The following SPMIP6 variants were observed in gnomAD, a reference collection of about 807,000 sequenced individuals.
The protein encoded by SPMIP6 is ciliated bronchial epithelial protein 1.
chr9:34,389,471 T>C, the SPMIP6 span, among the ~76,000 whole-genome samples: 1 of 152,190 alleles, frequency 6.6e-6, no homozygotes, highest in African/African-American at 2.4e-5. Flanking sequence ...AAAAGTTTAT[T>C]GAAGTCTTCA....
chr9:34,392,950 A>T, the SPMIP6 span, among the ~76,000 whole-genome samples: 1 of 152,236 alleles, frequency 6.6e-6, no homozygotes, highest in African/African-American at 2.4e-5. The surrounding 1 kb of genome is among the most constrained non-coding windows in gnomAD (Gnocchi z 4.6). Context: ...AAGGTGAACT[A>T]CTAAATCAGC....
chr9:34,381,605 G>A, the SPMIP6 span: 1 of 1,445,384 alleles, frequency 6.9e-7, no homozygotes, highest in African/African-American at 1.4e-5. The surrounding 1 kb of genome is among the most constrained non-coding windows in gnomAD (Gnocchi z 4.4). Flanking sequence ...CTGTCACCGG[G>A]CAACGCTTTT....
At chr9:34,381,528 A>G in the SPMIP6 span, 17 of 1,584,916 alleles carry the variant, frequency 1.1e-5, no homozygotes, top group African/African-American at 2.3e-4. The surrounding 1 kb of genome is among the most constrained non-coding windows in gnomAD (Gnocchi z 4.4). Flanking sequence ...ACCCAGACCT[A>G]TCGCCACGCC....
the SPMIP6 span, among the ~76,000 whole-genome samples, chr9:34,396,769 T>TG: frequency 4.2e-4 from 64 of 152,206 alleles, no homozygotes; most frequent in Non-Finnish European, 9.1e-4. Flanking sequence ...CCACCTCTGC[T>TG]GGTGCATGTT....
the SPMIP6 span, chr9:34,381,854 A>G: frequency 8.9e-6 from 8 of 894,874 alleles, no homozygotes; most frequent in Non-Finnish European, 1.1e-5. This position sits in a 1 kb window ranked among gnomAD's most constrained non-coding sequence, Gnocchi z 4.4. Context: ...AAAGGGTTCC[A>G]TCAACCCAGG....
chr9:34,382,349 C>T, the SPMIP6 span, among the ~76,000 whole-genome samples: 1 of 152,108 alleles, frequency 6.6e-6, no homozygotes, highest in South Asian at 2.1e-4. Context: ...TTTAGGAGGC[C>T]GAGGCAGGTG....
At chr9:34,390,016 C>A in the SPMIP6 span, 1 of 150,406 alleles carries the variant, frequency 6.6e-6, no homozygotes. Context: ...TGACTGTGAA[C>A]AATCAATTGA....
the SPMIP6 span, among the ~76,000 whole-genome samples, chr9:34,390,492 T>C: frequency 6.6e-6 from 1 of 152,198 alleles, no homozygotes; most frequent in South Asian, 2.1e-4. Flanking sequence ...TCTGTTTTTT[T>C]TCTTGAATCT....
At chr9:34,380,097 T>C in the SPMIP6 span, among the ~76,000 whole-genome samples, 1 of 152,024 alleles carries the variant, frequency 6.6e-6, no homozygotes, top group Non-Finnish European at 1.5e-5. Flanking sequence ...ACTTTCCCAC[T>C]CCCCTATGCC....
the SPMIP6 span, among the ~76,000 whole-genome samples, chr9:34,387,164 C>T: frequency 2.0e-5 from 3 of 152,090 alleles, no homozygotes; most frequent in East Asian, 1.9e-4. Context: ...GGCATGTGCA[C>T]CACACCTGGT....
the SPMIP6 span, among the ~76,000 whole-genome samples, chr9:34,384,462 A>G: frequency 9.2e-5 from 14 of 152,328 alleles, no homozygotes; most frequent in Admixed American, 2.0e-4. Flanking sequence ...GGATTAACAT[A>G]CAAAACAACA....
the SPMIP6 span, chr9:34,379,730 CAT>C: frequency 6.2e-6 from 10 of 1,613,478 alleles, no homozygotes; most frequent in Non-Finnish European, 7.6e-6. This position sits in a 1 kb window ranked among gnomAD's most constrained non-coding sequence, Gnocchi z 4.2. Flanking sequence ...GGGAGGTACA[CAT>C]CTGGAGAAGG....
chr9:34,397,376 G>T, the SPMIP6 span: 1 of 1,077,920 alleles, frequency 9.3e-7, no homozygotes, highest in Non-Finnish European at 1.4e-6. Flanking sequence ...TAAATTCTGT[G>T]CCTAGGTAAA....
chr9:34,389,514 G>A, the SPMIP6 span, among the ~76,000 whole-genome samples: 1 of 152,076 alleles, frequency 6.6e-6, no homozygotes, highest in East Asian at 1.9e-4. Flanking sequence ...TTAGTAACTG[G>A]GACTACAGGC....
At chr9:34,381,788 G>T in the SPMIP6 span, 1 of 984,236 alleles carries the variant, frequency 1.0e-6, no homozygotes, top group Non-Finnish European at 1.2e-6. The surrounding 1 kb of genome is among the most constrained non-coding windows in gnomAD (Gnocchi z 4.4). Context: ...TTTCAATATT[G>T]CTTGTCATTC....
the SPMIP6 span, chr9:34,382,823 T>C: frequency 5.6e-6 from 9 of 1,614,176 alleles, no homozygotes; most frequent in Non-Finnish European, 7.6e-6. Flanking sequence ...CCATCCTCCA[T>C]GTGTTGTACC....
At chr9:34,392,442 C>CGTGTGTGTGT in the SPMIP6 span, among the ~76,000 whole-genome samples, 6,631 of 148,130 alleles carry the variant, frequency 0.045, 174 homozygotes, top group South Asian at 0.075. The surrounding 1 kb of genome is among the most constrained non-coding windows in gnomAD (Gnocchi z 4.6). Flanking sequence ...ATCTAAAAAC[C>CGTGTGTGTGT]GTGTGTGTGT....
At chr9:34,380,419 G>C in the SPMIP6 span, among the ~76,000 whole-genome samples, 1 of 152,186 alleles carries the variant, frequency 6.6e-6, no homozygotes, top group South Asian at 2.1e-4. Flanking sequence ...TAGCCCCCAG[G>C]AATGACCGCA....
the SPMIP6 span, among the ~76,000 whole-genome samples, chr9:34,387,030 A>ATT: frequency 4.3e-5 from 6 of 140,192 alleles, no homozygotes; most frequent in South Asian, 6.9e-4. Context: ...GATCCTTATG[A>ATT]TTTTTTTTTT....
Sources: gnomAD v4.1 joint callset for allele counts (sites outside exome capture counted in the v4.1 genomes callset) on GRCh38, gnomAD v4.1.1 for gene constraint, Gnocchi (gnomAD v3.1) non-coding constraint, MANE v1.5 for transcripts, NCBI Gene and HGNC (gene_info 2026-07-23, HGNC 2026-07-21) for gene names.